TRAPPC8: variants seen among roughly 807,000 people sequenced by gnomAD.
TRAPPC8 encodes general sporulation gene 1 homolog.
In TRAPPC8, 54 loss-of-function variants were observed where a neutral mutation model predicts 174.3. The ratio of observed to expected loss-of-function variants is 0.31; its 90% CI spans 0.25 to 0.39. TRAPPC8 has a LOEUF of 0.39. TRAPPC8 is among the 10% of genes least tolerant of loss of function. The pLI, the probability that TRAPPC8 is intolerant of heterozygous loss-of-function variation, is 1.00. For synonymous variants in TRAPPC8, 630 were observed against 579.9 expected (o/e 1.09, Z -1.24); for missense variants, 1,531 against 1,699.1 (o/e 0.90, Z 1.74).
intron 27 of TRAPPC8, among the ~76,000 whole-genome samples, chr18:31,834,403 T>C (rs1005795518): frequency 2.0e-5 from 3 of 152,072 alleles, no homozygotes; most frequent in African/African-American, 7.2e-5. Flanking sequence ...TGCCACCAGG[T>C]CCAGTCTTGG....
At chr18:31,905,351 C>G (rs910428677) in intron 9 of TRAPPC8, among the ~76,000 whole-genome samples, 3 of 152,084 alleles carry the variant, frequency 2.0e-5, no homozygotes, top group African/African-American at 7.2e-5. Flanking sequence ...CACAGAAAGG[C>G]GCTCTTTCAG....
intron 25 of TRAPPC8, among the ~76,000 whole-genome samples, chr18:31,848,574 T>C (rs778280737): frequency 6.6e-6 from 1 of 152,226 alleles, no homozygotes; most frequent in Non-Finnish European, 1.5e-5. Flanking sequence ...TAGATTTCAT[T>C]TGAAACATGC....
intron 21 of TRAPPC8, among the ~76,000 whole-genome samples, chr18:31,855,279 T>C (rs145023994): frequency 2.0e-5 from 3 of 152,330 alleles, no homozygotes; most frequent in African/African-American, 7.2e-5. Flanking sequence ...ATGGCACTGT[T>C]AGAAATGTGC....
intron 13 of TRAPPC8, 189 bp from the exon 14 acceptor site, chr18:31,873,727 C>A: frequency 2.2e-6 from 1 of 461,744 alleles, no homozygotes; most frequent in Non-Finnish European, 3.9e-6. Context: ...GATATTTATT[C>A]TGCCTCAAAA....
At chr18:31,912,695 G>C (rs146979996) in intron 5 of TRAPPC8, among the ~76,000 whole-genome samples, 2 of 151,940 alleles carry the variant, frequency 1.3e-5, no homozygotes, top group African/African-American at 4.8e-5. Context: ...AATGTAGGGA[G>C]CAACCCCAGA....
chr18:31,933,811 A>G (rs1474087115), intron 1 of TRAPPC8, among the ~76,000 whole-genome samples: 1 of 152,118 alleles, frequency 6.6e-6, no homozygotes, highest in African/African-American at 2.4e-5. Flanking sequence ...TTACTAAAAA[A>G]AAAGACTCAA....
chr18:31,911,661 T>C (rs2036909008), intron 5 of TRAPPC8, among the ~76,000 whole-genome samples: 1 of 135,402 alleles, frequency 7.4e-6, no homozygotes, highest in Non-Finnish European at 1.5e-5. Flanking sequence ...ATAATTTGAA[T>C]CCAGGAGGCA....
In TRAPPC8 at chr18:31,917,611, A is replaced by G. The variant is rs746315077; in HGVS notation, c.409T>C (p.Leu137=). 1 of 1,613,580 alleles carries G rather than the reference A, an allele frequency of 6.2e-7. No homozygotes were observed. Among genetic ancestry groups the G allele is most frequent in the Non-Finnish European group, 8.5e-7 (1 of 1,179,788 alleles). Residue 137 remains leucine, a synonymous_variant, in exon 3 of 29, where the codon TTG becomes CTG. Transcript: ENST00000283351. ...TAGTGGTTCAGAAATTCATGATCCA[A>G]TGCTGGCATCGACTGAAGAAAGGTT... is the stretch of plus-strand genomic sequence containing the variant. ...RETFLQSMPA[L]DHEFLNHYLA...
chr18:31,918,095 C>T (rs905323457), intron 2 of TRAPPC8, among the ~76,000 whole-genome samples: 1 of 152,124 alleles, frequency 6.6e-6, no homozygotes, highest in East Asian at 1.9e-4. Context: ...CACTGCACTC[C>T]AGCCTGGGTG....
At chr18:31,883,466 A>G (rs985925882) in intron 12 of TRAPPC8, 1 of 152,236 alleles carries the variant, frequency 6.6e-6, no homozygotes, top group African/African-American at 2.4e-5. Context: ...TAACAGCTAG[A>G]AGACTTCCCA....
chr18:31,920,665 C>T lies in TRAPPC8; in HGVS notation c.353-2998G>A, dbSNP rs1381028759. ...AAAAAAATACAAAAAAATGGCCAGGCACAGTGGCTCACACCTGTAATCCCA... is the reference window on the plus strand; with the variant it reads ...AAAAAAATACAAAAAAATGGCCAGGTACAGTGGCTCACACCTGTAATCCCA... On this transcript the variant is annotated intron_variant, in intron 2 of 28. Transcript: ENST00000283351. 5.9e-5 allele frequency among the ~76,000 whole-genome samples: 9 copies of T among 151,726 alleles called. No individual in the cohort carries two copies. In the East Asian group the frequency reaches 1.7e-3, roughly 29 times the overall value.
At chr18:31,861,811 C>A (rs369644293) in intron 19 of TRAPPC8, among the ~76,000 whole-genome samples, 57 of 151,496 alleles carry the variant, frequency 3.8e-4, no homozygotes, top group African/African-American at 1.3e-3. Context: ...TGGTGGCATC[C>A]ACCTGTAGTC....
chr18:31,916,552 A>C, intron 3 of TRAPPC8, 106 bp from the exon 4 acceptor site: 3 of 1,202,598 alleles, frequency 2.5e-6, no homozygotes, highest in Non-Finnish European at 3.4e-6. Context: ...TTTGTTTCTG[A>C]GACAAAGTCT....
chr18:31,875,695 C>T (rs947141772), intron 12 of TRAPPC8, among the ~76,000 whole-genome samples: 3 of 152,172 alleles, frequency 2.0e-5, no homozygotes, highest in Admixed American at 2.0e-4. Flanking sequence ...GAATGATATA[C>T]AAGATGTGTG....
intron 5 of TRAPPC8, among the ~76,000 whole-genome samples, chr18:31,911,097 A>G (rs1348929340): frequency 2.0e-5 from 3 of 152,260 alleles, no homozygotes; most frequent in Non-Finnish European, 4.4e-5. Flanking sequence ...GCAAATAAAC[A>G]GATTAAACAA....
intron 14 of TRAPPC8, among the ~76,000 whole-genome samples, chr18:31,871,548 G>A (rs774874935): frequency 1.4e-4 from 21 of 150,876 alleles, no homozygotes; most frequent in Non-Finnish European, 2.1e-4. Flanking sequence ...ACTCTCCTTC[G>A]CCCCCACTGG....
At chr18:31,833,257 A>C (rs2032484393) in intron 27 of TRAPPC8, 1 of 152,236 alleles carries the variant, frequency 6.6e-6, no homozygotes, top group African/African-American at 2.4e-5. Context: ...TTGATCCTCA[A>C]ATGTCAAATT....
chr18:31,909,052 C>A (rs754110135), intron 6 of TRAPPC8, 42 bp from the exon 7 acceptor site: 3 of 1,536,474 alleles, frequency 2.0e-6, no homozygotes, highest in South Asian at 1.2e-5. Flanking sequence ...CAGAATGCAA[C>A]AGAAAACAGT....
chr18:31,916,366 G>A lies in TRAPPC8; in HGVS notation c.523C>T (p.His175Tyr). ...TTGGGGTAGGAATAATCACTGTTGT[G>A]CTGAATTCGATGCTGTTCTTGTGAC... ...KLSQEQHRIQ[H>Y]NSDYSYPKWF... Residue 175 changes from histidine to tyrosine, a missense_variant, in exon 4 of 29, where the codon CAC (histidine) becomes TAC (tyrosine). Coordinates refer to ENST00000283351, the MANE Select transcript of TRAPPC8 (RefSeq NM_014939.5). The A allele has an allele frequency of 6.2e-7, 1 of 1,613,844 alleles. No homozygotes were observed. Among genetic ancestry groups the A allele is most frequent in the Non-Finnish European group, 8.5e-7 (1 of 1,179,904 alleles).
Sources: gnomAD v4.1 joint callset for allele counts (sites outside exome capture counted in the v4.1 genomes callset) on GRCh38, gnomAD v4.1.1 for gene constraint, MANE v1.5 for transcripts, NCBI Gene and HGNC (gene_info 2026-07-23, HGNC 2026-07-21) for gene names.